Variants in COL21A1 observed in about 807,000 individuals in gnomAD.
The protein encoded by COL21A1 is collagen type XXI alpha 1 chain.
Under a neutral mutation model 137.9 loss-of-function variants are expected in COL21A1, and 149 were observed. The ratio of observed to expected loss-of-function variants is 1.08; its 90% CI spans 0.95 to 1.24. COL21A1 has a LOEUF of 1.24. Among genes scored for constraint, COL21A1 ranks in the 50% most tolerant of loss-of-function variants. The pLI is 0.00. For missense variants in COL21A1, 1,167 were observed against 1,158.4 expected, an observed-to-expected ratio of 1.01 and a Z score of -0.11; for synonymous variants, 456 against 391.5, an observed-to-expected ratio of 1.16 and a Z score of -1.95.
At chr6:56,077,965 TCA>T (rs1767391306) in intron 17 of COL21A1, 3 of 418,018 alleles carry the variant, frequency 7.2e-6, no homozygotes, top group African/African-American at 4.2e-5. Flanking sequence ...CCACAAGCCC[TCA>T]GTGTCACCAC....
intron 1 of COL21A1, among the ~76,000 whole-genome samples, chr6:56,241,334 C>T (rs566850924): frequency 2.0e-5 from 3 of 152,202 alleles, no homozygotes; most frequent in East Asian, 3.9e-4. Flanking sequence ...CCAAATTGGC[C>T]GGCACCTTGA....
chr6:56,295,837 G>A (rs1764152958), intron 1 of COL21A1, among the ~76,000 whole-genome samples: 1 of 151,700 alleles, frequency 6.6e-6, no homozygotes, highest in African/African-American at 2.4e-5. Context: ...GGATTTTTTT[G>A]TTGATTCCTT....
intron 1 of COL21A1, among the ~76,000 whole-genome samples, chr6:56,231,388 G>A (rs1193234052): frequency 6.6e-6 from 1 of 151,780 alleles, no homozygotes; most frequent in Admixed American, 6.6e-5. Flanking sequence ...ACAATATTCA[G>A]TTCTTTCCTG....
chr6:56,168,265 AC>A lies in COL21A1; in HGVS notation c.1058del (p.Arg353LeufsTer3). ...TLFDEGWHQI[R>X]LLVTEQDVTL... ...TCACATCTTGTTCTGTTACTAAGAG[AC>A]GAATTTGGTGCCAGCCTTCATCAAA... On this transcript the variant is annotated frameshift_variant, in exon 6 of 30. Transcript: ENST00000244728. LOFTEE classifies it high-confidence loss of function. The A allele has an allele frequency of 6.4e-7, 1 of 1,551,024 alleles. No individual in the cohort carries two copies. Among genetic ancestry groups the A allele is most frequent in the East Asian group, 2.3e-5 (1 of 43,852 alleles).
chr6:56,331,321 T>G (rs1263751815), intron 1 of COL21A1, among the ~76,000 whole-genome samples: 1 of 152,046 alleles, frequency 6.6e-6, no homozygotes, highest in African/African-American at 2.4e-5. Flanking sequence ...TTGTTGCATT[T>G]CTTTTTTAGG....
In COL21A1 at chr6:56,164,423, T is replaced by C; in HGVS notation, c.1371A>G (p.Lys457=). Residue 457 remains lysine, a splice_region_variant and synonymous_variant, in exon 9 of 30, where the codon AAA becomes AAG. Coordinates refer to ENST00000244728, the MANE Select transcript of COL21A1 (RefSeq NM_030820.4). ...AAACAGCAAGTTAGGTGTTACCCACTTTGGGGCCTTGAAGTCCTGGTTTTC... is the reference window on the plus strand; with the variant it reads ...AAACAGCAAGTTAGGTGTTACCCACCTTGGGGCCTTGAAGTCCTGGTTTTC... The part of the protein sequence containing the change: ...PPGKPGLQGP[K]GDPGLPGNPG... 1 of 1,575,028 alleles carries C rather than the reference T, an allele frequency of 6.3e-7. No homozygotes were observed.
intron 1 of COL21A1, among the ~76,000 whole-genome samples, chr6:56,205,257 T>A (rs1041428230): frequency 2.6e-5 from 4 of 152,130 alleles, no homozygotes; most frequent in African/African-American, 9.7e-5. Context: ...GACAAATTGA[T>A]AACTAGAATA....
intron 1 of COL21A1, among the ~76,000 whole-genome samples, chr6:56,306,962 GTC>G (rs1200118833): frequency 6.6e-6 from 1 of 152,214 alleles, no homozygotes; most frequent in South Asian, 2.1e-4. Context: ...TTAGCTGCAG[GTC>G]TGTTGGAGTT....
chr6:56,333,817 AGTGGTG>A (rs1375105893), intron 1 of COL21A1, among the ~76,000 whole-genome samples: 2 of 152,120 alleles, frequency 1.3e-5, no homozygotes, highest in Non-Finnish European at 2.9e-5. Flanking sequence ...GTAATAGATG[AGTGGTG>A]GTATCTACTG....
chr6:56,172,187 T>C lies in COL21A1; in HGVS notation c.641-1059A>G, dbSNP rs185591131. Among the ~76,000 whole-genome samples the C allele has an allele frequency of 8.3e-4, 126 of 152,114 alleles. 1 individual carries two copies. The highest frequency in any genetic ancestry group is 3.4e-3 in the Middle Eastern group (1 of 292). The stretch of plus-strand genomic sequence containing the variant: ...ACTCGAATTCAAGAAGCCTAATATA[T>C]GCTAAGTTAAACCCAAAGAAATCCA... On this transcript the variant is annotated intron_variant, in intron 3 of 29. Coordinates refer to ENST00000244728, the MANE Select transcript of COL21A1 (RefSeq NM_030820.4).
rs573128985 is a variant in COL21A1 at position 56,281,770 on chromosome 6, T to C, written c.-38-99114A>G. Among the ~76,000 whole-genome samples, 33 of 152,300 alleles carry C rather than the reference T, an allele frequency of 2.2e-4. No homozygotes were observed. In the Middle Eastern group the frequency reaches 0.014, roughly 63 times the overall value. On this transcript the variant is annotated intron_variant, in intron 1 of 28. Coordinates refer to the COL21A1 transcript ENST00000370819. ...TAGAAATACCTGATCCTTGTATTAATTGAGCATCGACTAGGTAGAAGACTG... is the reference window on the plus strand; with the variant it reads ...TAGAAATACCTGATCCTTGTATTAACTGAGCATCGACTAGGTAGAAGACTG...
intron 1 of COL21A1, among the ~76,000 whole-genome samples, chr6:56,287,356 C>T (rs1227020009): frequency 6.6e-6 from 1 of 152,128 alleles, no homozygotes; most frequent in Non-Finnish European, 1.5e-5. Context: ...ATATGTTTGG[C>T]TCTGTGTCCC....
intron 1 of COL21A1, among the ~76,000 whole-genome samples, chr6:56,234,668 A>C (rs1397996432): frequency 7.2e-5 from 11 of 151,728 alleles, no homozygotes; most frequent in Non-Finnish European, 1.6e-4. Context: ...GCTCACCTGA[A>C]GACTAATGAC....
intron 1 of COL21A1, among the ~76,000 whole-genome samples, chr6:56,196,534 C>T (rs1024805150): frequency 6.6e-6 from 1 of 152,012 alleles, no homozygotes; most frequent in African/African-American, 2.4e-5. Flanking sequence ...ACAAAATCAA[C>T]ATATAAAAGT....
At position 56,057,721 on chromosome 6, in the gene COL21A1, T is replaced by C. The variant is rs747529457; in HGVS notation, c.2810A>G (p.Asp937Gly). ...AATTACACTAAAACATAGTGATGGG[T>C]CGCAGATGCCTGGGGGGCCTGGTTG... ...QGQPGPPGICDPSLCFSVIAR... is the reference protein window; with the variant it reads ...QGQPGPPGICGPSLCFSVIAR... The change falls in exon 30 of 30, where the codon GAC (aspartate) becomes GGC (glycine). Residue 937 changes from aspartate to glycine, a missense_variant. Transcript: ENST00000244728. The C allele has an allele frequency of 1.9e-6, 3 of 1,613,074 alleles. No individual in the cohort carries two copies. Among genetic ancestry groups the C allele is most frequent in the South Asian group, 2.2e-5 (2 of 91,024 alleles).
At chr6:56,342,272 T>C (rs1281395878) in intron 1 of COL21A1, among the ~76,000 whole-genome samples, 2 of 152,244 alleles carry the variant, frequency 1.3e-5, no homozygotes, top group Non-Finnish European at 2.9e-5. Context: ...GACATGTATA[T>C]ACATGGTTTC....
intron 1 of COL21A1, among the ~76,000 whole-genome samples, chr6:56,199,631 T>C (rs1369373194): frequency 6.6e-6 from 1 of 152,188 alleles, no homozygotes; most frequent in East Asian, 1.9e-4. Flanking sequence ...ATTTATACTT[T>C]TAAAACTGCT....
intron 1 of COL21A1, among the ~76,000 whole-genome samples, chr6:56,311,318 GGAGTGGTCCAGATCA>G (rs554202765): frequency 0.01 from 1,549 of 152,276 alleles, 15 homozygotes; most frequent in Non-Finnish European, 0.015. Context: ...GTATAATGAG[GGAGTGGTCCAGATCA>G]GAGCCCCTTG....
intron 1 of COL21A1, among the ~76,000 whole-genome samples, chr6:56,243,818 T>TGC: frequency 6.6e-6 from 1 of 152,306 alleles, no homozygotes; most frequent in Admixed American, 6.5e-5. Flanking sequence ...ACCTTGTCTT[T>TGC]AACCAAGAGT....
Sources: allele counts gnomAD v4.1 joint callset (sites outside exome capture counted in the v4.1 genomes callset), GRCh38; gene constraint gnomAD v4.1.1; transcripts MANE v1.5; gene names NCBI Gene and HGNC (gene_info 2026-07-23, HGNC 2026-07-21).